The following STK10 variants were observed in gnomAD, a reference collection of about 807,000 sequenced individuals.
STK10 encodes serine/threonine kinase 10.
A neutral mutation model predicts 113.8 loss-of-function variants in STK10; 78 were observed. The observed-to-expected ratio is 0.69, with a 90% CI of 0.57 to 0.83. The LOEUF (loss-of-function observed/expected upper bound fraction) is 0.83. Ranked by LOEUF, STK10 falls within the 40% of genes least tolerant of loss-of-function variation. STK10 has a pLI of 0.00. For synonymous variants in STK10, 465 were observed against 494.7 expected (o/e 0.94, Z 0.80); for missense variants, 1,109 against 1,280.1 (o/e 0.87, Z 2.04).
chr5:172,150,342 G>A (rs148192339), intron 2 of STK10, among the ~76,000 whole-genome samples: 3,606 of 151,900 alleles, frequency 0.024, 149 homozygotes, highest in African/African-American at 0.082. Context: ...TTAGCCGGGT[G>A]TGGTGGTGCA....
intron 2 of STK10, among the ~76,000 whole-genome samples, chr5:172,137,986 T>TC (rs1297466785): frequency 3.3e-5 from 5 of 151,686 alleles, no homozygotes; most frequent in African/African-American, 1.2e-4. Flanking sequence ...AAGCTTTTCC[T>TC]CCAAGATCAC....
At chr5:172,091,754 G>A (rs796569064) in intron 9 of STK10, among the ~76,000 whole-genome samples, 49 of 152,152 alleles carry the variant, frequency 3.2e-4, no homozygotes, top group African/African-American at 1.1e-3. Context: ...GGCTGGTCTC[G>A]AACTCCTGAC....
intron 2 of STK10, among the ~76,000 whole-genome samples, chr5:172,146,044 G>A (rs1300149976): frequency 6.6e-6 from 1 of 152,218 alleles, no homozygotes; most frequent in African/African-American, 2.4e-5. Context: ...TCCATCTGTT[G>A]TCCACAGCAC....
At position 172,120,901 on chromosome 5, in the gene STK10, C is replaced by A. The variant is rs113599883; in HGVS notation, c.371-3271G>T. Among the ~76,000 whole-genome samples the A allele has an allele frequency of 4.6e-5, 7 of 152,132 alleles. 1 individual carries two copies. The highest frequency in any genetic ancestry group is 1.7e-4 in the African/African-American group (7 of 41,498). On this transcript the variant is annotated intron_variant, in intron 3 of 18. Coordinates refer to ENST00000176763, the MANE Select transcript of STK10 (RefSeq NM_005990.4). This position sits in a 1 kb window ranked among gnomAD's most constrained non-coding sequence, Gnocchi z 4.0. ...GATCTAATCACCACCATTTTTGGAG[C>A]CCTTATAATGTGTCAGGCATGAGGA... is the stretch of plus-strand genomic sequence containing the variant.
chr5:172,054,788 G>A (rs1767709876), intron 16 of STK10, 94 bp from the exon 17 acceptor site: 1 of 1,555,192 alleles, frequency 6.4e-7, no homozygotes, highest in African/African-American at 1.3e-5. Context: ...AGACCCCTCA[G>A]GGGGACTGGT....
chr5:172,094,071 C>G (rs371830929), intron 8 of STK10, 111 bp from the exon 9 acceptor site: 1 of 821,926 alleles, frequency 1.2e-6, no homozygotes, highest in South Asian at 5.2e-5. Context: ...TGGGCCAGCG[C>G]CAAGAAAGGA....
intron 2 of STK10, among the ~76,000 whole-genome samples, chr5:172,155,697 A>G (rs532436283): frequency 6.2e-4 from 94 of 151,960 alleles, no homozygotes; most frequent in African/African-American, 2.0e-3. Flanking sequence ...GAATTAGAAA[A>G]AAAAAAAATG....
intron 1 of STK10, among the ~76,000 whole-genome samples, chr5:172,185,381 G>T (rs1410985792): frequency 3.3e-5 from 5 of 152,104 alleles, no homozygotes; most frequent in African/African-American, 1.2e-4. Context: ...CGTTTCTCTT[G>T]CCTCAGCCTC....
chr5:172,072,977 A>C (rs1377287428), intron 12 of STK10, among the ~76,000 whole-genome samples: 3 of 152,162 alleles, frequency 2.0e-5, no homozygotes, highest in African/African-American at 7.2e-5. Flanking sequence ...ATGAACAATT[A>C]GAATTTTTCT....
rs569258490 is a variant in STK10 at position 172,136,840 on chromosome 5, T to A, written c.322-9419A>T. On this transcript the variant is annotated intron_variant, in intron 2 of 18. Transcript: ENST00000176763. The stretch of plus-strand genomic sequence containing the variant: ...CTTTATTATTATCTATTTTTTTTTT[T>A]TATACTTTAAGTTCTGGGATACACG... 2.6e-4 allele frequency among the ~76,000 whole-genome samples: 39 copies of A among 151,886 alleles called. No homozygotes were observed. In the East Asian group the frequency reaches 6.4e-3, roughly 25 times the overall value.
In STK10 at chr5:172,120,665, G is replaced by C. The variant is rs1358663212; in HGVS notation, c.371-3035C>G. Among the ~76,000 whole-genome samples the C allele has an allele frequency of 6.6e-6, 1 of 152,298 alleles. No homozygotes were observed. Among genetic ancestry groups the C allele is most frequent in the South Asian group, 2.1e-4 (1 of 4,822 alleles). On this transcript the variant is annotated intron_variant, in intron 3 of 18. Transcript: ENST00000176763. This position sits in a 1 kb window ranked among gnomAD's most constrained non-coding sequence, Gnocchi z 4.0. ...GGGATGATTATAATCGACATAGGCA[G>C]GGCTCCAGCCATCAGCCATGTTCAG...
chr5:172,085,776 T>C (rs1768544190), intron 10 of STK10, among the ~76,000 whole-genome samples: 1 of 152,052 alleles, frequency 6.6e-6, no homozygotes, highest in African/African-American at 2.4e-5. Context: ...AGAAAGAACC[T>C]AGGCCTCCTG....
intron 12 of STK10, among the ~76,000 whole-genome samples, chr5:172,075,592 G>A (rs1260842988): frequency 7.2e-5 from 11 of 152,264 alleles, no homozygotes; most frequent in South Asian, 2.1e-4. Context: ...CAGGAGAATC[G>A]CTTGAACCTG....
intron 1 of STK10, among the ~76,000 whole-genome samples, chr5:172,163,889 G>A (rs561009230): frequency 1.3e-5 from 2 of 151,902 alleles, no homozygotes; most frequent in African/African-American, 4.8e-5. Flanking sequence ...AGAATACCGC[G>A]CTCCCTCTGG....
intron 4 of STK10, among the ~76,000 whole-genome samples, chr5:172,112,357 T>C (rs953759031): frequency 6.6e-6 from 1 of 151,824 alleles, no homozygotes; most frequent in East Asian, 1.9e-4. Flanking sequence ...ACATCAAACT[T>C]AATGTTCATC....
intron 18 of STK10, among the ~76,000 whole-genome samples, chr5:172,048,045 G>A (rs1021191059): frequency 6.6e-6 from 1 of 151,938 alleles, no homozygotes; most frequent in Non-Finnish European, 1.5e-5. Flanking sequence ...TGGGATTACA[G>A]GCATGCGCCA....
intron 1 of STK10, among the ~76,000 whole-genome samples, chr5:172,175,252 C>CG (rs1406019132): frequency 6.6e-6 from 1 of 152,032 alleles, no homozygotes; most frequent in African/African-American, 2.4e-5. Flanking sequence ...CCTAGCCACC[C>CG]GAAGTGCCAG....
Position 172,187,999 on chromosome 5 carries a change from A to C in STK10, c.44T>G (p.Phe15Cys). The change falls in exon 1 of 19, where the codon TTC (phenylalanine) becomes TGC (cysteine). Residue 15 changes from phenylalanine to cysteine, a missense_variant. By Grantham distance (205) the Phe-to-Cys change is radical. Around this residue, in one of 5 missense-constraint regions of STK10, gnomAD observed 57 missense variants for 53.6 expected, o/e 1.06. Coordinates refer to ENST00000176763, the MANE Select transcript of STK10 (RefSeq NM_005990.4). This position sits in a 1 kb window ranked among gnomAD's most constrained non-coding sequence, Gnocchi z 4.6. ...ATATTCGCGGGACTTTCTCTTCTCG[A>C]AGGTAGACAGGCGCAGGATGCGGCG... ...NFRRILRLSTFEKRKSREYEH... is the reference protein window; with the variant it reads ...NFRRILRLSTCEKRKSREYEH... 6.2e-7 allele frequency: 1 copy of C among 1,613,370 alleles called. No individual in the cohort carries two copies. Among genetic ancestry groups the C allele is most frequent in the Non-Finnish European group, 8.5e-7 (1 of 1,179,764 alleles).
intron 18 of STK10, among the ~76,000 whole-genome samples, chr5:172,049,068 G>A (rs1240495738): frequency 1.3e-5 from 2 of 152,030 alleles, no homozygotes; most frequent in Admixed American, 6.6e-5. Context: ...ACCGTCTGAA[G>A]CAGCCTCACT....
Sources: allele counts gnomAD v4.1 joint callset (sites outside exome capture counted in the v4.1 genomes callset), GRCh38; gene constraint gnomAD v4.1.1; regional missense constraint gnomAD v4.1.1; non-coding constraint Gnocchi (gnomAD v3.1); transcripts MANE v1.5; gene names NCBI Gene and HGNC (gene_info 2026-07-23, HGNC 2026-07-21).